The following CMSS1 variants were observed in gnomAD, a reference collection of about 807,000 sequenced individuals.
CMSS1 encodes protein CMSS1.
Under a neutral mutation model 43.5 loss-of-function variants are expected in CMSS1, and 33 were observed. The ratio of observed to expected loss-of-function variants is 0.76; its 90% CI spans 0.57 to 1.01. The LOEUF (loss-of-function observed/expected upper bound fraction) is 1.01. Among genes scored for constraint, CMSS1 ranks in the 50% least tolerant of loss-of-function variants. The pLI is 0.00. For missense variants in CMSS1, 313 were observed against 326.4 expected (o/e 0.96, Z 0.32); for synonymous variants, 115 against 117.2 (o/e 0.98, Z 0.12).
intron 1 of CMSS1, among the ~76,000 whole-genome samples, chr3:99,981,481 G>A (rs1041634035): frequency 6.6e-6 from 1 of 152,114 alleles, no homozygotes; most frequent in Non-Finnish European, 1.5e-5. Flanking sequence ...CACTCACAAT[G>A]ATACATGATA....
chr3:100,122,792 C>G (rs1314914702), intron 1 of CMSS1, among the ~76,000 whole-genome samples: 4 of 152,224 alleles, frequency 2.6e-5, no homozygotes, highest in African/African-American at 7.2e-5. Flanking sequence ...TAAGTCCAGT[C>G]AGGGTGGTCC....
intron 1 of CMSS1, among the ~76,000 whole-genome samples, chr3:99,834,215 AG>A (rs2107490837): frequency 6.6e-6 from 1 of 152,346 alleles, no homozygotes; most frequent in African/African-American, 2.4e-5. Flanking sequence ...TATACAGGAA[AG>A]GGTCTTTCAA....
At position 100,162,340 on chromosome 3, in the gene CMSS1, A is replaced by G; in HGVS notation, c.263A>G (p.Lys88Arg). Residue 88 changes from lysine (K) to arginine (R), a missense_variant, in exon 4 of 10, where the codon AAA becomes AGA. Transcript: ENST00000421999. ...GATGTTCTTGCAAAATCAGAACCAAAACCAGGGTTACCTGAAGACCTACAG... is the reference window on the plus strand; with the variant it reads ...GATGTTCTTGCAAAATCAGAACCAAGACCAGGGTTACCTGAAGACCTACAG... The part of the protein sequence containing the change: ...ITDVLAKSEP[K>R]PGLPEDLQKL... 6.2e-7 allele frequency: 1 copy of G among 1,613,076 alleles called. No homozygotes were observed. Among genetic ancestry groups the G allele is most frequent in the Non-Finnish European group, 8.5e-7 (1 of 1,179,398 alleles).
At chr3:100,066,439 C>G (rs1424499880) in intron 1 of CMSS1, among the ~76,000 whole-genome samples, 1 of 145,076 alleles carries the variant, frequency 6.9e-6, no homozygotes, top group Non-Finnish European at 1.5e-5. Flanking sequence ...ATCTTGAAAA[C>G]AGACTAAATA....
At chr3:99,873,497 G>A (rs777575414) in intron 1 of CMSS1, among the ~76,000 whole-genome samples, 2 of 152,114 alleles carry the variant, frequency 1.3e-5, no homozygotes, top group African/African-American at 2.4e-5. Flanking sequence ...TTAAATAGGA[G>A]GGGCTGTATG....
chr3:100,018,197 G>A (rs557108696), intron 1 of CMSS1, among the ~76,000 whole-genome samples: 148 of 152,196 alleles, frequency 9.7e-4, no homozygotes, highest in African/African-American at 3.4e-3. Context: ...GTGGTGGCAT[G>A]TCCCTGTAAT....
In CMSS1 at chr3:100,005,797, A is replaced by G. The variant is rs540512245; in HGVS notation, c.65-141176A>G. 3.3e-5 allele frequency among the ~76,000 whole-genome samples: 5 copies of G among 152,302 alleles called. No individual in the cohort carries two copies. The South Asian group carries it at 6.2e-4, about 19-fold the overall frequency. On this transcript the variant is annotated intron_variant, in intron 1 of 9. Transcript: ENST00000421999. ...AGTTTGTGTGTTTTGTGGAATTTCT[A>G]TTATTGCCCAAGAGAGGAAAGAACT...
At chr3:100,021,179 C>T (rs186502059) in intron 1 of CMSS1, among the ~76,000 whole-genome samples, 1 of 152,354 alleles carries the variant, frequency 6.6e-6, no homozygotes, top group African/African-American at 2.4e-5. Flanking sequence ...ATAGAACACA[C>T]TTGTGCCAGT....
At chr3:99,820,545 G>C (rs1013003021) in intron 1 of CMSS1, among the ~76,000 whole-genome samples, 30 of 152,330 alleles carry the variant, frequency 2.0e-4, no homozygotes, top group African/African-American at 7.2e-4. Context: ...AGAGGCCTTT[G>C]CTTTGTTCGC....
intron 1 of CMSS1, among the ~76,000 whole-genome samples, chr3:99,991,474 A>C (rs1284523733): frequency 6.6e-6 from 1 of 152,146 alleles, no homozygotes; most frequent in Non-Finnish European, 1.5e-5. Context: ...TTATATATTT[A>C]GGAGGTACAA....
chr3:100,073,020 C>A lies in CMSS1; in HGVS notation c.65-73953C>A, dbSNP rs370030573. Among the ~76,000 whole-genome samples, 8 of 152,182 alleles carry A rather than the reference C, an allele frequency of 5.3e-5. No homozygotes were observed. In the East Asian group the frequency reaches 5.8e-4, roughly 11 times the overall value. On this transcript the variant is annotated intron_variant, in intron 1 of 9. Coordinates refer to ENST00000421999, the MANE Select transcript of CMSS1 (RefSeq NM_032359.4). ...TTACATCCACTTCCTTAATATATAT[C>A]TTGATTAATATCAGAGGCAAAGCAT...
intron 1 of CMSS1, among the ~76,000 whole-genome samples, chr3:100,024,418 A>G (rs1210304744): frequency 1.3e-5 from 2 of 152,074 alleles, no homozygotes; most frequent in African/African-American, 2.4e-5. Flanking sequence ...GATTTTTACA[A>G]ATTGTTTTCC....
intron 1 of CMSS1, among the ~76,000 whole-genome samples, chr3:99,838,554 A>G (rs1441627847): frequency 2.0e-5 from 3 of 152,212 alleles, no homozygotes; most frequent in Non-Finnish European, 4.4e-5. Context: ...GTGGAGCACA[A>G]GGAGGTAACA....
At chr3:100,153,263 T>C (rs2066937476) in intron 2 of CMSS1, among the ~76,000 whole-genome samples, 1 of 152,252 alleles carries the variant, frequency 6.6e-6, no homozygotes, top group Non-Finnish European at 1.5e-5. Flanking sequence ...AAATTAATTT[T>C]GCCTATTCTA....
Position 100,162,406 on chromosome 3 carries a change from T to C in CMSS1, c.329T>C (p.Ile110Thr), listed in dbSNP as rs1200259506. 6.2e-7 allele frequency: 1 copy of C among 1,612,994 alleles called. No homozygotes were observed. Among genetic ancestry groups the C allele is most frequent in the Non-Finnish European group, 8.5e-7 (1 of 1,179,316 alleles). The change falls in exon 4 of 10, where the codon ATT becomes ACT. Residue 110 changes from isoleucine to threonine, a missense_variant. Ile to Thr is a moderately conservative substitution (Grantham distance 89). Coordinates refer to ENST00000421999, the MANE Select transcript of CMSS1 (RefSeq NM_032359.4). ...TATTATAGCAGCAGACGCTTGGTGA[T>C]TGAATTAGAAGAACTGAACCTGCCA... ...KDYYSSRRLV[I>T]ELEELNLPDS...
intron 1 of CMSS1, among the ~76,000 whole-genome samples, chr3:100,057,033 T>C (rs1411191016): frequency 6.6e-6 from 1 of 152,044 alleles, no homozygotes; most frequent in Non-Finnish European, 1.5e-5. Flanking sequence ...AAGTGATTTT[T>C]CCCACAACTT....
At chr3:100,040,429 C>T (rs936919884) in intron 1 of CMSS1, 5 of 152,084 alleles carry the variant, frequency 3.3e-5, no homozygotes, top group Non-Finnish European at 5.9e-5. Flanking sequence ...TAGATGAGTA[C>T]ACAGATGTGA....
chr3:99,960,085 G>A (rs761122022), intron 1 of CMSS1, among the ~76,000 whole-genome samples: 5 of 151,992 alleles, frequency 3.3e-5, no homozygotes, highest in African/African-American at 7.2e-5. Context: ...ATGTTATAAC[G>A]ATTGGCTCCA....
intron 1 of CMSS1, among the ~76,000 whole-genome samples, chr3:99,883,122 A>G (rs1294613835): frequency 6.6e-6 from 1 of 152,216 alleles, no homozygotes; most frequent in Non-Finnish European, 1.5e-5. Flanking sequence ...CTACGCTTAG[A>G]TTGAATTATC....
Sources: allele counts gnomAD v4.1 joint callset (sites outside exome capture counted in the v4.1 genomes callset), GRCh38; gene constraint gnomAD v4.1.1; transcripts MANE v1.5; gene names NCBI Gene and HGNC (gene_info 2026-07-23, HGNC 2026-07-21).